The following TAOK3 variants were observed in gnomAD, a reference collection of about 807,000 sequenced individuals.
TAOK3 encodes the protein TAO kinase 3.
In TAOK3, 40 loss-of-function variants were observed where a neutral mutation model predicts 120.4. The ratio of observed to expected loss-of-function variants is 0.33; its 90% CI spans 0.26 to 0.43. TAOK3 has a LOEUF of 0.43. TAOK3 is among the 20% of genes least tolerant of loss of function. The pLI is 1.00. For missense variants in TAOK3, 821 were observed against 1,112.1 expected (o/e 0.74, Z 3.72); for synonymous variants, 355 against 387.5 (o/e 0.92, Z 0.99).
At chr12:118,239,348 C>A (rs2139932377) in intron 5 of TAOK3, 76 bp from the exon 6 acceptor site, 1 of 823,764 alleles carries the variant, frequency 1.2e-6, no homozygotes, top group Non-Finnish European at 2.0e-6. Flanking sequence ...AACAACCAAT[C>A]AAGGAACTAA....
intron 1 of TAOK3, among the ~76,000 whole-genome samples, chr12:118,301,252 G>C (rs2140700389): frequency 6.6e-6 from 1 of 152,260 alleles, no homozygotes; most frequent in Middle Eastern, 3.4e-3. Context: ...AAATGTCACT[G>C]TCAAGCAAAG....
At chr12:118,307,334 G>A (rs2043089090) in intron 1 of TAOK3, among the ~76,000 whole-genome samples, 4 of 151,878 alleles carry the variant, frequency 2.6e-5, no homozygotes, top group South Asian at 2.1e-4. Context: ...AGGCTCCCAC[G>A]GGAATTCAAT....
At chr12:118,326,369 G>A (rs1367866354) in intron 1 of TAOK3, among the ~76,000 whole-genome samples, 1 of 151,994 alleles carries the variant, frequency 6.6e-6, no homozygotes, top group Admixed American at 6.6e-5. Context: ...TATTTTTATG[G>A]CAATACCATG....
intron 1 of TAOK3, among the ~76,000 whole-genome samples, chr12:118,362,473 A>G (rs934138011): frequency 1.3e-5 from 2 of 152,120 alleles, no homozygotes; most frequent in East Asian, 1.9e-4. Flanking sequence ...ACGTAGGAAT[A>G]TAAGACAAAC....
At chr12:118,325,899 T>A (rs2043916850) in intron 1 of TAOK3, among the ~76,000 whole-genome samples, 2 of 152,122 alleles carry the variant, frequency 1.3e-5, no homozygotes, top group Admixed American at 1.3e-4. Context: ...AGGCTGGTCT[T>A]GAACTCCTGA....
intron 17 of TAOK3, among the ~76,000 whole-genome samples, chr12:118,166,120 C>A (rs1291365734): frequency 6.6e-6 from 1 of 152,136 alleles, no homozygotes; most frequent in Non-Finnish European, 1.5e-5. Context: ...AGGATTTCCC[C>A]CTTTTATATG....
rs2040492277 is a variant in TAOK3, at chr12:118,246,214, G to A, written c.121-1249C>T. 4.8e-6 allele frequency: 7 copies of A among 1,452,008 alleles called. No individual in the cohort carries two copies. In the East Asian group the frequency reaches 7.0e-5, roughly 14 times the overall value. 89.9% of individuals were successfully genotyped at this position (1,452,008 alleles called of 1,614,324 possible). On this transcript the variant is annotated intron_variant, in intron 3 of 20. Transcript: ENST00000392533. ...CGGGGTCGCGGCCGTGGACGGGGCC[G>A]GGGCCGAGGCCGCGGAGCTCGCGGA...
In TAOK3 at chr12:118,243,314, C is replaced by A. The variant is rs571089408; in HGVS notation, c.294+101G>T. The A allele has an allele frequency of 2.6e-3, 1,665 of 651,488 alleles. 12 individuals are homozygous for A. Among genetic ancestry groups the A allele is most frequent in the South Asian group, 4.9e-3 (238 of 48,962 alleles). The allele number at this position is 651,488 out of a possible 1,614,324, so 40.4% of individuals were successfully genotyped here. A position where few individuals can be genotyped will look rare whatever the true frequency, so the allele number is the denominator to read the frequency against. ...TACTGATAACAAAAGTTAAATGGAA[C>A]AGAAATGAAATTAGTAATTTTACAG... On this transcript the variant is annotated intron_variant, in intron 5 of 20. Transcript: ENST00000392533.
chr12:118,168,995 TCC>T (rs1190584747), intron 17 of TAOK3, among the ~76,000 whole-genome samples: 48 of 127,792 alleles, frequency 3.8e-4, no homozygotes, highest in African/African-American at 1.1e-3. Context: ...CTTCCTTCCT[TCC>T]TTCCTTTCTT....
chr12:118,196,417 T>A (rs576159460), intron 13 of TAOK3, among the ~76,000 whole-genome samples: 1 of 152,230 alleles, frequency 6.6e-6, no homozygotes, highest in Non-Finnish European at 1.5e-5. Context: ...CTGTTTTGAC[T>A]ACCAGTCAAA....
intron 9 of TAOK3, 30 bp from the exon 10 acceptor site, chr12:118,214,140 GT>G (rs2038766183): frequency 6.5e-7 from 1 of 1,543,722 alleles, no homozygotes; most frequent in East Asian, 2.3e-5. Context: ...CAATAAAGTA[GT>G]TCTTGAAGGA....
chr12:118,223,385 C>T (rs776545006), intron 9 of TAOK3, among the ~76,000 whole-genome samples: 7 of 151,240 alleles, frequency 4.6e-5, no homozygotes, highest in African/African-American at 9.7e-5. Flanking sequence ...CTCGCTCTGT[C>T]GCCCAGGCTG....
intron 1 of TAOK3, among the ~76,000 whole-genome samples, chr12:118,285,170 G>A (rs928862757): frequency 6.6e-6 from 1 of 151,846 alleles, no homozygotes. Context: ...AGCCTCCTGA[G>A]TAGCTGGGAT....
chr12:118,305,140 T>C (rs781569590), intron 1 of TAOK3, among the ~76,000 whole-genome samples: 8 of 152,138 alleles, frequency 5.3e-5, no homozygotes, highest in Non-Finnish European at 1.0e-4. Flanking sequence ...AATAAGATAG[T>C]GTATGTAATG....
At chr12:118,332,712 A>G (rs540363796) in intron 1 of TAOK3, among the ~76,000 whole-genome samples, 1 of 152,342 alleles carries the variant, frequency 6.6e-6, no homozygotes, top group Admixed American at 6.5e-5. Flanking sequence ...TCTCTTACGC[A>G]ATGGTGTGGG....
intron 1 of TAOK3, among the ~76,000 whole-genome samples, chr12:118,328,217 C>CAAAAA: frequency 6.6e-6 from 1 of 152,040 alleles, no homozygotes; most frequent in Non-Finnish European, 1.5e-5. Flanking sequence ...CCCGCCACCA[C>CAAAAA]GCCTGGCTAA....
intron 3 of TAOK3, among the ~76,000 whole-genome samples, chr12:118,248,700 GGTTA>G (rs1452962285): frequency 6.6e-6 from 1 of 151,878 alleles, no homozygotes; most frequent in Non-Finnish European, 1.5e-5. Context: ...TGCTTATTAA[GGTTA>G]TTTATAATTA....
chr12:118,303,596 T>C (rs1159188347), intron 1 of TAOK3, among the ~76,000 whole-genome samples: 1 of 152,234 alleles, frequency 6.6e-6, no homozygotes, highest in Non-Finnish European at 1.5e-5. Context: ...AGGCCATAAC[T>C]TTCTTGAAGG....
intron 2 of TAOK3, among the ~76,000 whole-genome samples, chr12:118,266,325 T>C (rs1593348596): frequency 1.3e-5 from 2 of 151,834 alleles, no homozygotes; most frequent in East Asian, 3.9e-4. Context: ...CCCCAGTAGC[T>C]GGGACTACAG....
Sources: gnomAD v4.1 joint callset for allele counts (sites outside exome capture counted in the v4.1 genomes callset) on GRCh38, gnomAD v4.1.1 for gene constraint, MANE v1.5 for transcripts, NCBI Gene and HGNC (gene_info 2026-07-23, HGNC 2026-07-21) for gene names.